The following FRMPD1 variants were observed in gnomAD, a reference collection of about 807,000 sequenced individuals.
The protein encoded by FRMPD1 is FERM and PDZ domain-containing protein 1.
FRMPD1 carries 76 observed loss-of-function variants against 117.8 expected under a neutral mutation model. The ratio of observed to expected loss-of-function variants is 0.65; its 90% CI spans 0.54 to 0.78. The LOEUF is 0.78. Among genes scored for constraint, FRMPD1 ranks in the 30% least tolerant of loss-of-function variants. The pLI is 0.00. For synonymous variants in FRMPD1, 783 were observed against 770.4 expected (o/e 1.02, Z -0.27); for missense variants, 1,786 against 1,964.5 (o/e 0.91, Z 1.72).
At chr9:37,652,300 C>G (rs575332107) in intron 1 of FRMPD1, among the ~76,000 whole-genome samples, 1 of 152,272 alleles carries the variant, frequency 6.6e-6, no homozygotes, top group East Asian at 1.9e-4. Flanking sequence ...AGTATGGGTA[C>G]GGTTAAGGAG....
chr9:37,611,491 TCAGAGGGAATCACTAA>T, the FRMPD1 span, among the ~76,000 whole-genome samples: 114 of 152,340 alleles, frequency 7.5e-4, no homozygotes, highest in Admixed American at 5.9e-4. Context: ...ATTCTGATTT[TCAGAGGGAATCACTAA>T]AAATGTCTTG....
At chr9:37,610,253 T>C in the FRMPD1 span, among the ~76,000 whole-genome samples, 2 of 152,178 alleles carry the variant, frequency 1.3e-5, no homozygotes, top group Non-Finnish European at 2.9e-5. Context: ...TGTATAATGA[T>C]CAAATCAGAG....
intron 1 of FRMPD1, among the ~76,000 whole-genome samples, chr9:37,690,188 T>G (rs564292505): frequency 5.9e-5 from 9 of 152,106 alleles, no homozygotes; most frequent in Non-Finnish European, 1.0e-4. Flanking sequence ...ATGTTTTCTC[T>G]GTCTTTGGCT....
chr9:37,679,832 G>A (rs547272525), intron 1 of FRMPD1, among the ~76,000 whole-genome samples: 1 of 152,348 alleles, frequency 6.6e-6, no homozygotes, highest in African/African-American at 2.4e-5. Context: ...GTGGAGACAA[G>A]GGGTTCAGCA....
At position 37,746,863 on chromosome 9, in the gene FRMPD1, T is replaced by C. The variant is rs932740006; in HGVS notation, c.*94T>C. 57 of 796,526 alleles carry C rather than the reference T, an allele frequency of 7.2e-5. No homozygotes were observed. In the Admixed American group the frequency reaches 1.4e-3, roughly 19 times the overall value. 49.3% of individuals were successfully genotyped at this position (796,526 alleles called of 1,614,324 possible). On this transcript the variant is annotated 3_prime_UTR_variant, in exon 16 of 16. Coordinates refer to ENST00000377765, the MANE Select transcript of FRMPD1 (RefSeq NM_014907.3). ...CTCTCCCACCCACCCTCTTCAAATGTTTACTATATAGAGTATTCAAATAAA... is the reference window on the plus strand; with the variant it reads ...CTCTCCCACCCACCCTCTTCAAATGCTTACTATATAGAGTATTCAAATAAA...
chr9:37,738,599 A>C (rs1332233662), intron 14 of FRMPD1, among the ~76,000 whole-genome samples: 2 of 152,126 alleles, frequency 1.3e-5, no homozygotes, highest in African/African-American at 4.8e-5. Context: ...TTAGCCTCCC[A>C]AAGTGCTGAG....
At chr9:37,625,158 C>A in the FRMPD1 span, among the ~76,000 whole-genome samples, 1 of 152,104 alleles carries the variant, frequency 6.6e-6, no homozygotes, top group Non-Finnish European at 1.5e-5. Context: ...TCACAGCTTC[C>A]AACAGCTGCA....
Position 37,744,681 on chromosome 9 carries a change from T to A in FRMPD1, c.2649T>A (p.Thr883=), listed in dbSNP as rs150491654. ...TGGCCCTTGGTGCACCCTCCCCAAC[T>A]GTGTCCTCTCTGCAGGACATGCAGG... ...PYLALGAPSP[T]VSSLQDMQGE... is the part of the protein sequence containing the mutation. The change falls in exon 16 of 16, where the codon ACT becomes ACA. Residue 883 remains threonine, a synonymous_variant. Transcript: ENST00000377765. The A allele has an allele frequency of 1.2e-6, 2 of 1,613,966 alleles. No individual in the cohort carries two copies. The highest frequency in any genetic ancestry group is 1.7e-6 in the Non-Finnish European group (2 of 1,179,992).
At position 37,696,051 on chromosome 9, in the gene FRMPD1, CTTTTTTTTTTT is replaced by C. The variant is rs61521469; in HGVS notation, c.101+3323_101+3333del. Among the ~76,000 whole-genome samples the C allele has an allele frequency of 2.0e-4, 16 of 78,114 alleles. No homozygotes were observed. The East Asian group carries it at 3.4e-3, about 17-fold the overall frequency. 51.2% of individuals were successfully genotyped at this position (78,114 alleles called of 152,430 possible). On this transcript the variant is annotated intron_variant, in intron 2 of 15. Coordinates refer to ENST00000377765, the MANE Select transcript of FRMPD1 (RefSeq NM_014907.3). ...TTGCTCACCGTTCTCCATTGTTTTG[CTTTTTTTTTTT>C]TTTTTTTTTTTTTAATATCTAGAAG...
At chr9:37,735,834 A>G in intron 13 of FRMPD1, 100 bp downstream of exon 13, 1 of 754,166 alleles carries the variant, frequency 1.3e-6, no homozygotes, top group Non-Finnish European at 2.1e-6. Context: ...ATAAAGTCTA[A>G]TGTCCAATAT....
In FRMPD1 at chr9:37,746,464, A is replaced by G. The variant is rs1824726280; in HGVS notation, c.4432A>G (p.Arg1478Gly). ...KLLSSCRHVI[R>G]MDQSPEEMQG... is the part of the protein sequence containing the mutation. ...CCTGTCGAGCTGTCGGCATGTGATC[A>G]GAATGGACCAGTCCCCCGAAGAGAT... The change falls in exon 16 of 16, where the codon AGA (arginine) becomes GGA (glycine). Residue 1478 changes from arginine (R) to glycine (G), a missense_variant. Physicochemically the swap from Arg to Gly is moderately radical, Grantham distance 125. Coordinates refer to ENST00000377765, the MANE Select transcript of FRMPD1 (RefSeq NM_014907.3). The G allele has an allele frequency of 1.9e-6, 3 of 1,613,740 alleles. No individual in the cohort carries two copies. The highest frequency in any genetic ancestry group is 2.5e-6 in the Non-Finnish European group (3 of 1,180,036).
the FRMPD1 span, among the ~76,000 whole-genome samples, chr9:37,626,500 C>CAAAAAAAA: frequency 1.1e-5 from 1 of 87,272 alleles, no homozygotes; most frequent in Non-Finnish European, 2.3e-5. Context: ...GACTTAGTCT[C>CAAAAAAAA]AAAAAAAAAA....
chr9:37,638,579 G>T, the FRMPD1 span, among the ~76,000 whole-genome samples: 4 of 152,174 alleles, frequency 2.6e-5, no homozygotes, highest in South Asian at 2.1e-4. Context: ...AGAGAGGGGG[G>T]TCTTATCTTG....
At chr9:37,731,525 CT>C (rs1187468387) in intron 9 of FRMPD1, among the ~76,000 whole-genome samples, 1 of 152,172 alleles carries the variant, frequency 6.6e-6, no homozygotes, top group Non-Finnish European at 1.5e-5. Context: ...GGTGCTCCCC[CT>C]ATTCTACCTC....
In FRMPD1 at chr9:37,707,552, A is replaced by G. The variant is rs762781500; in HGVS notation, c.238A>G (p.Thr80Ala). 3.7e-6 allele frequency: 6 copies of G among 1,613,792 alleles called. No homozygotes were observed. Among genetic ancestry groups the G allele is most frequent in the African/African-American group, 2.7e-5 (2 of 75,020 alleles). The change falls in exon 3 of 16, where the codon ACA (threonine) becomes GCA (alanine). Residue 80 changes from threonine to alanine, a missense_variant. Thr to Ala is a moderately conservative substitution (Grantham distance 58). Transcript: ENST00000377765. Reference protein sequence around the residue: ...GFHISESLPLTVVAVTAGGSA... With the variant: ...GFHISESLPLAVVAVTAGGSA... ...TCACATTTCTGAGAGCCTTCCCCTT[A>G]CAGTGGTGGCTGTCACAGCAGGTAG...
At chr9:37,735,149 G>A (rs1457456154) in intron 12 of FRMPD1, among the ~76,000 whole-genome samples, 1 of 152,234 alleles carries the variant, frequency 6.6e-6, no homozygotes, top group African/African-American at 2.4e-5. Flanking sequence ...CAGAACAACA[G>A]AGAGGAAAGG....
intron 2 of FRMPD1, among the ~76,000 whole-genome samples, chr9:37,704,327 A>G (rs1004084296): frequency 3.9e-5 from 6 of 152,230 alleles, no homozygotes; most frequent in Admixed American, 1.3e-4. Context: ...TTTTTGTATT[A>G]ACTACGAGTT....
At chr9:37,638,280 C>A in the FRMPD1 span, among the ~76,000 whole-genome samples, 1 of 152,040 alleles carries the variant, frequency 6.6e-6, no homozygotes, top group African/African-American at 2.4e-5. Flanking sequence ...ACCATGTTGG[C>A]CAGGCTGGTC....
chr9:37,687,672 C>A (rs1425185212), intron 1 of FRMPD1, among the ~76,000 whole-genome samples: 5 of 152,076 alleles, frequency 3.3e-5, no homozygotes, highest in Non-Finnish European at 7.4e-5. Flanking sequence ...ATTTTGTGTT[C>A]TTGGCAAAGG....
Sources: gnomAD v4.1 joint callset for allele counts (sites outside exome capture counted in the v4.1 genomes callset) on GRCh38, gnomAD v4.1.1 for gene constraint, MANE v1.5 for transcripts, NCBI Gene and HGNC (gene_info 2026-07-23, HGNC 2026-07-21) for gene names.